NRG3: variants seen among roughly 807,000 people sequenced by gnomAD.
The protein encoded by NRG3 is neuregulin 3.
A neutral mutation model predicts 66.9 loss-of-function variants in NRG3; 31 were observed. That is an observed-to-expected ratio of 0.46 (90% CI 0.35 to 0.63). The LOEUF is 0.63. NRG3 is among the 20% of genes least tolerant of loss of function. The probability of loss-of-function intolerance (pLI) is 0.00; values close to 1 mark genes in which losing one functional copy is unlikely to be tolerated. For missense variants in NRG3, 910 were observed against 878.9 expected (o/e 1.04, Z -0.45); for synonymous variants, 393 against 359.4 (o/e 1.09, Z -1.06).
At chr10:82,223,026 G>A (rs2076013494) in intron 1 of NRG3, among the ~76,000 whole-genome samples, 1 of 152,172 alleles carries the variant, frequency 6.6e-6, no homozygotes, top group African/African-American at 2.4e-5. Context: ...TCCTGCAGTA[G>A]ATTAGCAGAA....
At chr10:82,925,706 G>A (rs1225522446) in intron 4 of NRG3, among the ~76,000 whole-genome samples, 3 of 152,198 alleles carry the variant, frequency 2.0e-5, no homozygotes, top group Non-Finnish European at 4.4e-5. Flanking sequence ...GGTAGGTACA[G>A]TTATTTATAG....
chr10:82,835,500 C>T (rs1028375196), intron 3 of NRG3, among the ~76,000 whole-genome samples: 11 of 152,168 alleles, frequency 7.2e-5, no homozygotes, highest in Non-Finnish European at 7.4e-5. Context: ...GACCCAGAAT[C>T]AGAAACCCTG....
chr10:82,890,075 G>A (rs1349532373), intron 4 of NRG3, among the ~76,000 whole-genome samples: 1 of 151,360 alleles, frequency 6.6e-6, no homozygotes, highest in Non-Finnish European at 1.5e-5. Flanking sequence ...TGCTACTTGG[G>A]TTGCTATGGG....
chr10:82,779,343 G>A lies in NRG3; in HGVS notation c.1027+40693G>A, dbSNP rs534331877. On this transcript the variant is annotated intron_variant, in intron 3 of 8. Coordinates refer to ENST00000372141, the MANE Select transcript of NRG3 (RefSeq NM_001010848.4). Reference sequence around the variant, plus strand: ...CTGAGCTGATTTTAGCTGGGGGCATGAGTGGCAGAGTCAAGGCTTTCTCGT... The same window carrying A: ...CTGAGCTGATTTTAGCTGGGGGCATAAGTGGCAGAGTCAAGGCTTTCTCGT... Among the ~76,000 whole-genome samples the A allele has an allele frequency of 3.9e-5, 6 of 152,280 alleles. No homozygotes were observed. In the South Asian group the frequency reaches 1.2e-3, roughly 32 times the overall value.
intron 4 of NRG3, among the ~76,000 whole-genome samples, chr10:82,895,012 T>C (rs1396497587): frequency 2.0e-5 from 3 of 152,182 alleles, no homozygotes; most frequent in African/African-American, 7.2e-5. Flanking sequence ...TCTGTTCTTG[T>C]GTTACTTTGC....
intron 1 of NRG3, among the ~76,000 whole-genome samples, chr10:82,306,938 GTCT>G (rs2080772539): frequency 6.6e-6 from 1 of 151,868 alleles, no homozygotes; most frequent in Non-Finnish European, 1.5e-5. Context: ...TCCAGTACCA[GTCT>G]TTAAAATACT....
At chr10:82,849,642 T>G (rs1269023302) in intron 3 of NRG3, among the ~76,000 whole-genome samples, 4 of 152,162 alleles carry the variant, frequency 2.6e-5, no homozygotes, top group Admixed American at 1.3e-4. Flanking sequence ...GGTGAGAGAT[T>G]GAGCTTTGTA....
At chr10:81,990,466 T>G (rs2060697275) in intron 1 of NRG3, among the ~76,000 whole-genome samples, 1 of 152,208 alleles carries the variant, frequency 6.6e-6, no homozygotes, top group African/African-American at 2.4e-5. Flanking sequence ...AAACTGTAAC[T>G]ATTTTGAAGT....
At chr10:82,636,814 CTG>C (rs370092362) in intron 2 of NRG3, among the ~76,000 whole-genome samples, 9 of 150,100 alleles carry the variant, frequency 6.0e-5, no homozygotes, top group Admixed American at 1.3e-4. Flanking sequence ...CTCTTGTGGG[CTG>C]TGTGTGTGTG....
chr10:82,480,042 A>C lies in NRG3; in HGVS notation c.953+121174A>C, dbSNP rs73307813. 4.3e-3 allele frequency among the ~76,000 whole-genome samples: 648 copies of C among 152,346 alleles called. 5 individuals are homozygous for C. The highest frequency in any genetic ancestry group is 0.015 in the African/African-American group (627 of 41,572). ...AAACGTGTTCTGTCCTGCCCTAAGA[A>C]AGAATGCCTAATGTTTTTGAGGTTC... is the stretch of plus-strand genomic sequence containing the variant. On this transcript the variant is annotated intron_variant, in intron 2 of 8. Coordinates refer to ENST00000372141, the MANE Select transcript of NRG3 (RefSeq NM_001010848.4).
chr10:82,134,692 T>G (rs2069194576), intron 1 of NRG3, among the ~76,000 whole-genome samples: 1 of 152,166 alleles, frequency 6.6e-6, no homozygotes, highest in African/African-American at 2.4e-5. Context: ...GTGGGCAACA[T>G]GATGCCTCCA....
intron 2 of NRG3, among the ~76,000 whole-genome samples, chr10:82,642,001 A>C (rs1384982179): frequency 1.3e-5 from 2 of 151,940 alleles, no homozygotes; most frequent in African/African-American, 4.8e-5. Context: ...CCAAGTCCCT[A>C]TTGTTTATTA....
intron 1 of NRG3, among the ~76,000 whole-genome samples, chr10:82,021,783 A>AGTGTGTGT (rs1241988836): frequency 3.4e-5 from 5 of 146,434 alleles, no homozygotes; most frequent in African/African-American, 1.3e-4. Context: ...TTGGGCATGT[A>AGTGTGTGT]GTATGTGTGT....
intron 1 of NRG3, among the ~76,000 whole-genome samples, chr10:82,066,655 C>G (rs1310340455): frequency 1.3e-5 from 2 of 152,122 alleles, no homozygotes; most frequent in East Asian, 3.9e-4. Context: ...GAGTACTTAC[C>G]TGAGTGATTC....
At chr10:82,327,140 G>T (rs1385571793) in intron 1 of NRG3, among the ~76,000 whole-genome samples, 1 of 152,120 alleles carries the variant, frequency 6.6e-6, no homozygotes, top group Non-Finnish European at 1.5e-5. Flanking sequence ...CAAGAACCAA[G>T]GAGAGTATTT....
intron 1 of NRG3, among the ~76,000 whole-genome samples, chr10:81,983,033 G>A (rs2060391719): frequency 6.6e-6 from 1 of 152,176 alleles, no homozygotes; most frequent in African/African-American, 2.4e-5. Flanking sequence ...CGGGCAGTGA[G>A]TCAGGAGGGC....
At chr10:82,811,735 C>T (rs1479802046) in intron 3 of NRG3, among the ~76,000 whole-genome samples, 1 of 152,186 alleles carries the variant, frequency 6.6e-6, no homozygotes, top group Non-Finnish European at 1.5e-5. Flanking sequence ...ATTTCAACAC[C>T]TGCCTGGACT....
At chr10:82,979,195 C>T in intron 8 of NRG3, 75 bp downstream of exon 8, 1 of 1,440,888 alleles carries the variant, frequency 6.9e-7, no homozygotes, top group Admixed American at 1.9e-5. Flanking sequence ...TTTTAAGTTC[C>T]TTGGGGTTTT....
intron 1 of NRG3, among the ~76,000 whole-genome samples, chr10:81,903,589 T>C (rs1445909886): frequency 6.6e-6 from 1 of 152,164 alleles, no homozygotes; most frequent in Non-Finnish European, 1.5e-5. Context: ...AATAAAAGTA[T>C]GCCGAGAACT....
Sources: gnomAD v4.1 joint callset for allele counts (sites outside exome capture counted in the v4.1 genomes callset) on GRCh38, gnomAD v4.1.1 for gene constraint, MANE v1.5 for transcripts, NCBI Gene and HGNC (gene_info 2026-07-23, HGNC 2026-07-21) for gene names.